Variants in CNTN4 observed in about 807,000 individuals in gnomAD.
CNTN4 encodes contactin 4.
A neutral mutation model predicts 122.5 loss-of-function variants in CNTN4; 77 were observed. That is an observed-to-expected ratio of 0.63 (90% CI 0.52 to 0.76). The LOEUF (loss-of-function observed/expected upper bound fraction) is 0.76, where lower values mean the gene tolerates loss of function less well. Ranked by LOEUF, CNTN4 falls within the 30% of genes least tolerant of loss-of-function variation. CNTN4 has a pLI of 0.00. For missense variants in CNTN4, 1,256 were observed against 1,259.1 expected (o/e 1.00, Z 0.04); for synonymous variants, 512 against 447.0 (o/e 1.15, Z -1.83).
chr3:3,043,739 G>A (rs898629170), intron 23 of CNTN4, 35 bp downstream of exon 23: 52 of 1,331,282 alleles, frequency 3.9e-5, no homozygotes, highest in African/African-American at 7.2e-5. Flanking sequence ...GCACCTAATC[G>A]TGCTGTGAGT....
intron 3 of CNTN4, among the ~76,000 whole-genome samples, chr3:2,424,282 T>C (rs2047731594): frequency 7.0e-6 from 1 of 143,424 alleles, no homozygotes; most frequent in African/African-American, 2.5e-5. Context: ...GTTCTCACTG[T>C]TCAATTCCCA....
intron 4 of CNTN4, among the ~76,000 whole-genome samples, chr3:2,592,971 G>T (rs2080571217): frequency 6.6e-6 from 1 of 152,190 alleles, no homozygotes; most frequent in Non-Finnish European, 1.5e-5. Context: ...GAGAAAAGCA[G>T]TGTCAGAATG....
intron 3 of CNTN4, among the ~76,000 whole-genome samples, chr3:2,546,491 C>T (rs914768985): frequency 2.0e-5 from 3 of 151,928 alleles, no homozygotes; most frequent in African/African-American, 7.3e-5. Flanking sequence ...ACTGGGGCCT[C>T]CTTGAGGGTG....
In CNTN4 at chr3:2,638,417, A is replaced by C. The variant is rs2082759232; in HGVS notation, c.55+66859A>C. ...AACCTCTTTAAGCCCTTAAAATGTA[A>C]ATCGAATTTTATTTGTATTATAAAG... On this transcript the variant is annotated intron_variant, in intron 4 of 24. Transcript: ENST00000418658. Among the ~76,000 whole-genome samples, 2 of 152,180 alleles carry C rather than the reference A, an allele frequency of 1.3e-5. 1 individual carries two copies. Among genetic ancestry groups the C allele is most frequent in the Non-Finnish European group, 2.9e-5 (2 of 68,034 alleles).
chr3:2,551,559 A>AT (rs2078506863), intron 3 of CNTN4, among the ~76,000 whole-genome samples: 1 of 152,190 alleles, frequency 6.6e-6, no homozygotes, highest in South Asian at 2.1e-4. Context: ...ATACTTTGTA[A>AT]TGATCATGAA....
At chr3:2,281,120 C>T (rs147998036) in intron 2 of CNTN4, among the ~76,000 whole-genome samples, 1 of 152,130 alleles carries the variant, frequency 6.6e-6, no homozygotes, top group East Asian at 1.9e-4. Flanking sequence ...GAGGTTTCAC[C>T]TCCTCATTTC....
chr3:2,382,097 C>G (rs1367453164), intron 3 of CNTN4, among the ~76,000 whole-genome samples: 3 of 151,740 alleles, frequency 2.0e-5, no homozygotes, highest in South Asian at 2.1e-4. Flanking sequence ...GTGGACCACT[C>G]TATACAGCTT....
chr3:3,003,286 A>T (rs976348306), intron 14 of CNTN4, among the ~76,000 whole-genome samples: 2 of 152,174 alleles, frequency 1.3e-5, no homozygotes, highest in African/African-American at 4.8e-5. Flanking sequence ...GAAAACTTGT[A>T]TACAAATGTC....
chr3:2,163,882 T>A (rs2149191995), intron 2 of CNTN4, among the ~76,000 whole-genome samples: 1 of 152,242 alleles, frequency 6.6e-6, no homozygotes, highest in South Asian at 2.1e-4. Context: ...AGGTAACACT[T>A]TTACACTGCT....
chr3:2,153,680 C>T (rs2727925), intron 2 of CNTN4, among the ~76,000 whole-genome samples: 118,098 of 152,016 alleles, frequency 0.78, 46,318 homozygotes, highest in Non-Finnish European at 0.81. Flanking sequence ...GTAGTTGAAG[C>T]GTTTAAATAA....
At chr3:2,749,328 G>GTT (rs11381094) in intron 6 of CNTN4, among the ~76,000 whole-genome samples, 23,607 of 135,438 alleles carry the variant, frequency 0.17, 2,349 homozygotes, top group East Asian at 0.33. Context: ...GCCCAGATAA[G>GTT]TTTTTTTTTT....
intron 2 of CNTN4, among the ~76,000 whole-genome samples, chr3:2,297,870 A>C (rs527608380): frequency 6.6e-6 from 1 of 152,256 alleles, no homozygotes; most frequent in Admixed American, 6.5e-5. Flanking sequence ...AGCTGGGACC[A>C]GAGGCACATG....
At chr3:2,427,654 C>G (rs1230020271) in intron 3 of CNTN4, among the ~76,000 whole-genome samples, 1 of 150,196 alleles carries the variant, frequency 6.7e-6, no homozygotes, top group Non-Finnish European at 1.5e-5. Flanking sequence ...ATGGATCTGT[C>G]TAATATTGAC....
At chr3:2,155,581 G>A (rs911963222) in intron 2 of CNTN4, among the ~76,000 whole-genome samples, 1 of 152,226 alleles carries the variant, frequency 6.6e-6, no homozygotes, top group Non-Finnish European at 1.5e-5. Flanking sequence ...TGAATTAGGT[G>A]TTTCAGCTAT....
intron 5 of CNTN4, among the ~76,000 whole-genome samples, chr3:2,739,865 T>C (rs58942797): frequency 0.15 from 22,192 of 152,136 alleles, 2,179 homozygotes; most frequent in East Asian, 0.31. Context: ...TTTAACAAGG[T>C]CTGGACAGAG....
intron 3 of CNTN4, among the ~76,000 whole-genome samples, chr3:2,375,331 A>G (rs1315883334): frequency 6.6e-6 from 1 of 152,210 alleles, no homozygotes; most frequent in Non-Finnish European, 1.5e-5. Context: ...GTATGTCACA[A>G]GTCATCCCAA....
At chr3:2,323,657 T>A (rs1243887568) in intron 2 of CNTN4, among the ~76,000 whole-genome samples, 1 of 152,204 alleles carries the variant, frequency 6.6e-6, no homozygotes, top group African/African-American at 2.4e-5. Context: ...CTTTCTTTTT[T>A]CCTGGCAGAA....
At chr3:2,743,594 T>C (rs188343547) in intron 5 of CNTN4, among the ~76,000 whole-genome samples, 3 of 152,320 alleles carry the variant, frequency 2.0e-5, no homozygotes, top group East Asian at 1.9e-4. Context: ...AAATTGTGGA[T>C]GTTCAAAGCT....
intron 14 of CNTN4, among the ~76,000 whole-genome samples, chr3:3,000,876 CTTTCTT>C (rs1695963622): frequency 2.4e-5 from 3 of 127,166 alleles, no homozygotes; most frequent in Non-Finnish European, 1.6e-5. Context: ...GTCTTTCTTT[CTTTCTT>C]TTTTTTTTTT....
Sources: gnomAD v4.1 joint callset for allele counts (sites outside exome capture counted in the v4.1 genomes callset) on GRCh38, gnomAD v4.1.1 for gene constraint, MANE v1.5 for transcripts, NCBI Gene and HGNC (gene_info 2026-07-23, HGNC 2026-07-21) for gene names.